The following SLC23A2 variants were observed in gnomAD, a reference collection of about 807,000 sequenced individuals.
SLC23A2 encodes Na(+)/L-ascorbic acid transporter 2.
In SLC23A2, 36 loss-of-function variants were observed where a neutral mutation model predicts 73.3. That is an observed-to-expected ratio of 0.49 (90% CI 0.38 to 0.65). The LOEUF (loss-of-function observed/expected upper bound fraction) is 0.65. Ranked by LOEUF, SLC23A2 falls within the 30% of genes least tolerant of loss-of-function variation. The probability of loss-of-function intolerance (pLI) is 0.00; values close to 1 mark genes in which losing one functional copy is unlikely to be tolerated. For synonymous variants in SLC23A2, 343 were observed against 327.3 expected, an observed-to-expected ratio of 1.05 and a Z score of -0.52; for missense variants, 507 against 841.6, an observed-to-expected ratio of 0.60 and a Z score of 4.92.
chr20:4,894,021 T>C (rs572602038), intron 6 of SLC23A2, among the ~76,000 whole-genome samples: 6 of 152,286 alleles, frequency 3.9e-5, no homozygotes, highest in African/African-American at 1.2e-4. Flanking sequence ...GAATGACGGC[T>C]GCAGGCTGGC....
At chr20:4,909,767 G>T (rs1180268814) in intron 4 of SLC23A2, among the ~76,000 whole-genome samples, 1 of 151,980 alleles carries the variant, frequency 6.6e-6, no homozygotes. Flanking sequence ...ATGTTGCCCA[G>T]GCTAGTCTCA....
intron 6 of SLC23A2, among the ~76,000 whole-genome samples, chr20:4,894,636 G>A (rs1931452876): frequency 6.6e-6 from 1 of 152,164 alleles, no homozygotes; most frequent in Admixed American, 6.5e-5. Flanking sequence ...TTCTATTTAG[G>A]TCTTGTGACA....
chr20:4,959,925 A>C (rs1053039810), intron 2 of SLC23A2, among the ~76,000 whole-genome samples: 5 of 152,178 alleles, frequency 3.3e-5, no homozygotes, highest in African/African-American at 1.2e-4. Flanking sequence ...AGAGAACTAC[A>C]GATGTGTACT....
At chr20:4,874,454 TG>T in intron 10 of SLC23A2, 121 bp downstream of exon 10, 3 of 861,232 alleles carry the variant, frequency 3.5e-6, no homozygotes, top group Non-Finnish European at 5.5e-6. Context: ...ATTAGTAGCC[TG>T]GTCTCACTGC....
intron 4 of SLC23A2, among the ~76,000 whole-genome samples, chr20:4,905,262 G>C (rs1931900314): frequency 1.3e-5 from 2 of 151,952 alleles, no homozygotes; most frequent in Non-Finnish European, 2.9e-5. Flanking sequence ...CTAGTGTAAA[G>C]GTCCACAACT....
rs559240332 is a variant in SLC23A2, at chr20:4,940,894, G to A, written c.-154-8178C>T. ...TAGGTTGCCAGGTACGGTGGCTCAC[G>A]CCTGTAATCCCAGCACTTCGGGAGG... On this transcript the variant is annotated intron_variant, in intron 2 of 16. Coordinates refer to ENST00000338244, the MANE Select transcript of SLC23A2 (RefSeq NM_005116.6). 1.4e-4 allele frequency among the ~76,000 whole-genome samples: 21 copies of A among 152,308 alleles called. No individual in the cohort carries two copies. In the East Asian group the frequency reaches 3.5e-3, roughly 25 times the overall value.
intron 6 of SLC23A2, among the ~76,000 whole-genome samples, chr20:4,898,731 G>A (rs755727066): frequency 2.8e-4 from 43 of 152,336 alleles, no homozygotes; most frequent in Non-Finnish European, 5.4e-4. Flanking sequence ...CATTTAAGCT[G>A]GTGGCTGGAA....
At chr20:4,996,628 A>G (rs943136171) in intron 1 of SLC23A2, among the ~76,000 whole-genome samples, 5 of 146,376 alleles carry the variant, frequency 3.4e-5, no homozygotes, top group Admixed American at 1.4e-4. Flanking sequence ...AGAAGTTGCA[A>G]TGAGCCGAGG....
intron 9 of SLC23A2, among the ~76,000 whole-genome samples, chr20:4,881,388 G>A (rs529217593): frequency 2.6e-5 from 4 of 152,154 alleles, no homozygotes; most frequent in Non-Finnish European, 5.9e-5. Context: ...CAAGTGTGGA[G>A]GCACCCCCAT....
At chr20:4,894,018 G>A (rs545235175) in intron 6 of SLC23A2, among the ~76,000 whole-genome samples, 6 of 152,246 alleles carry the variant, frequency 3.9e-5, no homozygotes, top group South Asian at 4.1e-4. Context: ...AAAGAATGAC[G>A]GCTGCAGGCT....
Position 4,912,876 on chromosome 20 carries a change from G to T in SLC23A2, c.207+4C>A. On this transcript the variant is annotated splice_donor_region_variant and intron_variant, in intron 4 of 16. Transcript: ENST00000338244. ...GTGGGGACACGGGGTGACGGAAGGG[G>T]TACCTTTTCTGCAATGCCGTTTTCC... The T allele has an allele frequency of 1.9e-6, 3 of 1,590,048 alleles. No individual in the cohort carries two copies. The highest frequency in any genetic ancestry group is 2.6e-6 in the Non-Finnish European group (3 of 1,158,410).
chr20:4,923,621 T>C (rs994989372), intron 3 of SLC23A2, among the ~76,000 whole-genome samples: 3 of 152,202 alleles, frequency 2.0e-5, no homozygotes, highest in African/African-American at 7.2e-5. Flanking sequence ...CAAAATCTAT[T>C]ATTCTTACAG....
chr20:4,995,961 G>A (rs2088013452), intron 1 of SLC23A2, among the ~76,000 whole-genome samples: 1 of 152,096 alleles, frequency 6.6e-6, no homozygotes, highest in Non-Finnish European at 1.5e-5. Flanking sequence ...ATGAGAGCTG[G>A]GAATAGTGTT....
chr20:4,869,540 G>GAC lies in SLC23A2; in HGVS notation c.1250+364_1250+365dup, dbSNP rs11467759. On this transcript the variant is annotated intron_variant, in intron 12 of 16. Transcript: ENST00000338244. ...GATTTTATCTATCTAATCTCCAAAT[G>GAC]ACACACACACACACACACACCCCAA... The GAC allele has an allele frequency of 6.8e-3, 1,128 of 166,698 alleles. 16 individuals are homozygous for GAC. The highest frequency in any genetic ancestry group is 0.027 in the African/African-American group (1,009 of 37,582). 10.3% of individuals were successfully genotyped at this position (166,698 alleles called of 1,614,324 possible). A position where few individuals can be genotyped will look rare whatever the true frequency, so the allele number is the denominator to read the frequency against.
intron 6 of SLC23A2, among the ~76,000 whole-genome samples, chr20:4,886,444 G>A (rs1042581213): frequency 2.0e-5 from 3 of 152,126 alleles, no homozygotes; most frequent in Admixed American, 1.3e-4. Flanking sequence ...AAGTTACAAC[G>A]TGACAGCAGA....
At chr20:4,963,025 G>C (rs989856569) in intron 2 of SLC23A2, among the ~76,000 whole-genome samples, 4 of 152,048 alleles carry the variant, frequency 2.6e-5, no homozygotes, top group Non-Finnish European at 5.9e-5. Flanking sequence ...ATGGCAAAGA[G>C]GAAAAAGGCT....
intron 13 of SLC23A2, among the ~76,000 whole-genome samples, chr20:4,864,752 G>T (rs953954786): frequency 6.6e-6 from 1 of 152,204 alleles, no homozygotes; most frequent in Non-Finnish European, 1.5e-5. Context: ...AATCTGAAGA[G>T]TTGGGGAGGG....
intron 6 of SLC23A2, among the ~76,000 whole-genome samples, chr20:4,891,358 G>A (rs1343564774): frequency 5.9e-5 from 9 of 152,226 alleles, no homozygotes; most frequent in Admixed American, 5.9e-4. Context: ...AACAGAGGAA[G>A]GGTGGAGTAA....
At chr20:4,983,396 C>G (rs1295652719) in intron 1 of SLC23A2, among the ~76,000 whole-genome samples, 1 of 152,176 alleles carries the variant, frequency 6.6e-6, no homozygotes, top group Non-Finnish European at 1.5e-5. Flanking sequence ...CCTGTAATCC[C>G]AGCACTTCGG....
Sources: allele counts gnomAD v4.1 joint callset (sites outside exome capture counted in the v4.1 genomes callset), GRCh38; gene constraint gnomAD v4.1.1; transcripts MANE v1.5; gene names NCBI Gene and HGNC (gene_info 2026-07-23, HGNC 2026-07-21).